The following SMIM14 variants were observed in gnomAD, a reference collection of about 807,000 sequenced individuals.
SMIM14 encodes small integral membrane protein 14, also known as chromosome 4 open reading frame 34.
In SMIM14, 5 loss-of-function variants were observed where a neutral mutation model predicts 12.6. The observed-to-expected ratio is 0.40, with a 90% CI of 0.21 to 0.83. SMIM14 has a LOEUF of 0.83. Ranked by LOEUF, SMIM14 falls within the 40% of genes least tolerant of loss-of-function variation. The pLI is 0.37. For synonymous variants in SMIM14, 30 were observed against 40.1 expected (o/e 0.75, Z 0.95); for missense variants, 86 against 119.1 (o/e 0.72, Z 1.29).
At chr4:39,583,690 G>A (rs1713631333) in intron 2 of SMIM14, among the ~76,000 whole-genome samples, 2 of 152,146 alleles carry the variant, frequency 1.3e-5, no homozygotes, top group Non-Finnish European at 1.5e-5. Flanking sequence ...TAGTTAATGT[G>A]TTCCACATAC....
At chr4:39,590,444 C>T (rs1037160494) in intron 2 of SMIM14, among the ~76,000 whole-genome samples, 3 of 151,326 alleles carry the variant, frequency 2.0e-5, no homozygotes, top group African/African-American at 4.9e-5. Context: ...CATGATTAGA[C>T]GGGGATTTTG....
chr4:39,611,521 A>C (rs894540981), intron 1 of SMIM14, among the ~76,000 whole-genome samples: 14 of 151,760 alleles, frequency 9.2e-5, no homozygotes, highest in Non-Finnish European at 1.5e-4. Context: ...AAAAAAAAAA[A>C]CAATTAGCCA....
intron 1 of SMIM14, among the ~76,000 whole-genome samples, chr4:39,616,453 G>A (rs192652668): frequency 6.6e-6 from 1 of 152,174 alleles, no homozygotes; most frequent in East Asian, 1.9e-4. Context: ...TAACTTGGGA[G>A]TTTCTGACTC....
intron 3 of SMIM14, among the ~76,000 whole-genome samples, chr4:39,563,602 T>C (rs1712428823): frequency 6.6e-6 from 1 of 152,204 alleles, no homozygotes; most frequent in Admixed American, 6.5e-5. Flanking sequence ...CTTCCTGGGG[T>C]ACTCGTTATT....
At chr4:39,612,656 A>C (rs1256850006) in intron 1 of SMIM14, among the ~76,000 whole-genome samples, 1 of 148,428 alleles carries the variant, frequency 6.7e-6, no homozygotes, top group Non-Finnish European at 1.5e-5. Context: ...GCTGGAGTGC[A>C]GTGGCACAAT....
intron 1 of SMIM14, among the ~76,000 whole-genome samples, chr4:39,605,412 C>T (rs1229698006): frequency 6.6e-6 from 1 of 152,084 alleles, no homozygotes; most frequent in Non-Finnish European, 1.5e-5. Context: ...GTCTTCAATG[C>T]TCTAAACTGG....
In SMIM14 at chr4:39,638,726, G is replaced by C. The variant is rs1313342431; in HGVS notation, c.-36+13C>G. 2 of 985,396 alleles carry C rather than the reference G, an allele frequency of 2.0e-6. No homozygotes were observed. The highest frequency in any genetic ancestry group is 2.4e-6 in the Non-Finnish European group (2 of 829,980). The allele number at this position is 985,396 out of a possible 1,614,324, so 61.0% of individuals were successfully genotyped here. ...AGCCAGCAAACGCTGGTGGGAGAGGGGGAGACACTCACCCGCCCAGACAAC... is the reference window on the plus strand; with the variant it reads ...AGCCAGCAAACGCTGGTGGGAGAGGCGGAGACACTCACCCGCCCAGACAAC... On this transcript the variant is annotated intron_variant, in intron 1 of 4. Coordinates refer to ENST00000295958, the MANE Select transcript of SMIM14 (RefSeq NM_174921.3).
chr4:39,638,358 G>A (rs1022475427), intron 1 of SMIM14: 3 of 597,356 alleles, frequency 5.0e-6, no homozygotes, highest in Non-Finnish European at 6.3e-6. Flanking sequence ...AAACAAGATA[G>A]TGTGGATTTC....
chr4:39,633,455 G>A (rs755527222), intron 1 of SMIM14, among the ~76,000 whole-genome samples: 1 of 152,024 alleles, frequency 6.6e-6, no homozygotes, highest in Non-Finnish European at 1.5e-5. Context: ...AATATTAAAG[G>A]AAAACTTCAA....
intron 3 of SMIM14, among the ~76,000 whole-genome samples, chr4:39,570,170 T>C (rs1178034482): frequency 6.6e-6 from 1 of 152,220 alleles, no homozygotes; most frequent in East Asian, 1.9e-4. Context: ...TTTGTTTTTT[T>C]TTCTTTGTTT....
intron 2 of SMIM14, among the ~76,000 whole-genome samples, chr4:39,580,179 TTTATTA>T (rs146491231): frequency 2.6e-5 from 4 of 151,444 alleles, no homozygotes; most frequent in Admixed American, 6.6e-5. Flanking sequence ...TGTGTGTGGT[TTTATTA>T]TTATTATTAT....
chr4:39,586,522 C>T (rs1713791455), intron 2 of SMIM14, among the ~76,000 whole-genome samples: 1 of 152,026 alleles, frequency 6.6e-6, no homozygotes, highest in Non-Finnish European at 1.5e-5. Flanking sequence ...AAATTCTGTA[C>T]ATGATTATTT....
intron 1 of SMIM14, chr4:39,638,513 G>A: frequency 1.0e-6 from 1 of 985,480 alleles, no homozygotes; most frequent in Non-Finnish European, 1.2e-6. Context: ...ACATCCTGCA[G>A]AGAATACCCA....
At chr4:39,635,242 AG>A (rs1716047495) in intron 1 of SMIM14, among the ~76,000 whole-genome samples, 1 of 152,220 alleles carries the variant, frequency 6.6e-6, no homozygotes, top group Non-Finnish European at 1.5e-5. Flanking sequence ...ATTAGAATAC[AG>A]GAAGAAACTC....
At chr4:39,614,275 G>C (rs998141977) in intron 1 of SMIM14, among the ~76,000 whole-genome samples, 6 of 151,094 alleles carry the variant, frequency 4.0e-5, no homozygotes, top group Admixed American at 3.3e-4. Flanking sequence ...CGGACAATAA[G>C]TTGATAATTA....
chr4:39,584,050 A>C (rs895280390), intron 2 of SMIM14: 1 of 152,088 alleles, frequency 6.6e-6, no homozygotes, highest in African/African-American at 2.4e-5. Context: ...ATACAAATAC[A>C]GTACGTTCAA....
intron 2 of SMIM14, among the ~76,000 whole-genome samples, chr4:39,586,163 C>G (rs1030998713): frequency 8.6e-5 from 13 of 152,010 alleles, no homozygotes; most frequent in African/African-American, 2.7e-4. Flanking sequence ...CTCTTGTGAA[C>G]TTTCTTACTT....
At chr4:39,553,593 C>CGGTTTTTTT (rs758803269) in intron 4 of SMIM14, among the ~76,000 whole-genome samples, 105 of 149,658 alleles carry the variant, frequency 7.0e-4, no homozygotes, top group South Asian at 3.6e-3. Flanking sequence ...CTAATAATGC[C>CGGTTTTTTT]GGTTTTTTTT....
Position 39,605,098 on chromosome 4 carries a change from T to C in SMIM14, c.48A>G (p.Glu16=). The C allele has an allele frequency of 6.2e-7, 1 of 1,609,674 alleles. No homozygotes were observed. Among genetic ancestry groups the C allele is most frequent in the Non-Finnish European group, 8.5e-7 (1 of 1,178,076 alleles). Residue 16 remains glutamate, a synonymous_variant, in exon 2 of 5, where the codon GAA becomes GAG. Coordinates refer to ENST00000295958, the MANE Select transcript of SMIM14 (RefSeq NM_174921.3). The stretch of plus-strand genomic sequence containing the variant: ...GATTGATCAGTCTTCTCATTGCATG[T>C]TCATGAGAGCAAACACATTCACAGG... ...FDPCECVCSH[E]HAMRRLINLL...
Sources: gnomAD v4.1 joint callset for allele counts (sites outside exome capture counted in the v4.1 genomes callset) on GRCh38, gnomAD v4.1.1 for gene constraint, MANE v1.5 for transcripts, NCBI Gene and HGNC (gene_info 2026-07-23, HGNC 2026-07-21) for gene names.